Variants in PRICKLE1 observed in about 807,000 individuals in gnomAD.
PRICKLE1 encodes prickle-like protein 1.
Under a neutral mutation model 70.2 loss-of-function variants are expected in PRICKLE1, and 14 were observed. The ratio of observed to expected loss-of-function variants is 0.20; its 90% CI spans 0.13 to 0.31. PRICKLE1 has a LOEUF of 0.31. PRICKLE1 is among the 10% of genes least tolerant of loss of function. PRICKLE1 has a pLI of 1.00. For synonymous variants in PRICKLE1, 357 were observed against 379.9 expected (o/e 0.94, Z 0.70); for missense variants, 821 against 1,026.2 (o/e 0.80, Z 2.73).
chr12:42,463,761 G>A (rs1391013346), intron 7 of PRICKLE1: 2 of 153,966 alleles, frequency 1.3e-5, no homozygotes, highest in South Asian at 2.0e-4. Context: ...GCCAATTTTG[G>A]TATCTTAGAA....
chr12:42,513,251 C>T (rs1367121999), intron 1 of PRICKLE1, among the ~76,000 whole-genome samples: 11 of 152,060 alleles, frequency 7.2e-5, no homozygotes, highest in Admixed American at 2.6e-4. Flanking sequence ...GGTGAGCCAC[C>T]GCAGCCCAGG....
rs118175339 is a variant in PRICKLE1 at position 42,568,463 on chromosome 12, C to G, written c.-49+21002G>C. ...GTATTGGGAGTATGGGCGTGAGCCA[C>G]CATGCCCAGCCCGCATTATTTTAAA... On this transcript the variant is annotated intron_variant, in intron 1 of 7. Transcript: ENST00000345127. 4.2e-3 allele frequency among the ~76,000 whole-genome samples: 634 copies of G among 152,346 alleles called. 9 individuals are homozygous for G. The South Asian group carries it at 0.044, about 11-fold the overall frequency.
At chr12:42,497,380 C>G (rs977389260) in intron 1 of PRICKLE1, among the ~76,000 whole-genome samples, 1 of 151,816 alleles carries the variant, frequency 6.6e-6, no homozygotes, top group South Asian at 2.1e-4. Flanking sequence ...CCTGTCTCTA[C>G]TAAAAATACA....
intron 1 of PRICKLE1, among the ~76,000 whole-genome samples, chr12:42,487,824 T>G (rs1295426787): frequency 1.3e-5 from 2 of 152,128 alleles, no homozygotes; most frequent in African/African-American, 4.8e-5. Context: ...GGCGGGTGGA[T>G]CACTTGAGGT....
At chr12:42,468,482 T>C in intron 5 of PRICKLE1, 144 bp downstream of exon 5, 1 of 792,766 alleles carries the variant, frequency 1.3e-6, no homozygotes. Flanking sequence ...ATCATTTCAT[T>C]GTATGAATGT....
intron 1 of PRICKLE1, chr12:42,483,087 G>C (rs1398127099): frequency 6.6e-6 from 1 of 152,560 alleles, no homozygotes; most frequent in Non-Finnish European, 1.5e-5. Flanking sequence ...CCGACGCGAA[G>C]CCCCGAGAGA....
chr12:42,478,926 T>C (rs942715692), intron 1 of PRICKLE1, among the ~76,000 whole-genome samples: 5 of 151,964 alleles, frequency 3.3e-5, no homozygotes, highest in Non-Finnish European at 7.4e-5. Flanking sequence ...CAAGAGAACA[T>C]CTGACCCAAA....
intron 1 of PRICKLE1, among the ~76,000 whole-genome samples, chr12:42,480,490 C>A (rs1938754937): frequency 6.6e-6 from 1 of 152,184 alleles, no homozygotes; most frequent in Non-Finnish European, 1.5e-5. Flanking sequence ...GCACAGTAAC[C>A]ACTGGTGAAA....
At chr12:42,490,205 A>T (rs1167305769) in intron 1 of PRICKLE1, among the ~76,000 whole-genome samples, 4 of 152,248 alleles carry the variant, frequency 2.6e-5, no homozygotes, top group African/African-American at 9.6e-5. Context: ...GTAAGAAGTC[A>T]AGATTCAGGA....
In PRICKLE1 at chr12:42,469,713, C is replaced by A. The variant is rs79916594; in HGVS notation, c.247-126G>T. 1,178 of 1,223,110 alleles carry A rather than the reference C, an allele frequency of 9.6e-4. 6 individuals carry two copies. In the African/African-American group the frequency reaches 0.016, roughly 17 times the overall value. 75.8% of individuals were successfully genotyped at this position (1,223,110 alleles called of 1,614,324 possible). On this transcript the variant is annotated intron_variant, in intron 3 of 7. Transcript: ENST00000345127. ...TTAGCTCGCCTGTGTCACACCCCCACGATTTTAAAATGACACCATATCTGA... is the reference window on the plus strand; with the variant it reads ...TTAGCTCGCCTGTGTCACACCCCCAAGATTTTAAAATGACACCATATCTGA...
intron 1 of PRICKLE1, chr12:42,484,315 G>A (rs1384896086): frequency 6.6e-6 from 1 of 152,196 alleles, no homozygotes; most frequent in African/African-American, 2.4e-5. Flanking sequence ...AGTGAGTGAA[G>A]CCGCTAAGAT....
chr12:42,552,650 G>C (rs1940336389), intron 1 of PRICKLE1, among the ~76,000 whole-genome samples: 1 of 152,216 alleles, frequency 6.6e-6, no homozygotes, highest in South Asian at 2.1e-4. Flanking sequence ...ACTTGAGGGA[G>C]GAAGTTAAGA....
intron 1 of PRICKLE1, among the ~76,000 whole-genome samples, chr12:42,538,187 G>A (rs569024953): frequency 2.0e-5 from 3 of 152,150 alleles, no homozygotes; most frequent in African/African-American, 7.2e-5. Context: ...CTCTTTCATT[G>A]TCCAATATAG....
intron 1 of PRICKLE1, among the ~76,000 whole-genome samples, chr12:42,499,873 G>C (rs1027013419): frequency 2.6e-5 from 4 of 151,762 alleles, no homozygotes; most frequent in Non-Finnish European, 4.4e-5. Context: ...AATTACAAGG[G>C]CCTGCCACCA....
intron 1 of PRICKLE1, among the ~76,000 whole-genome samples, chr12:42,583,603 C>T (rs1049777079): frequency 1.3e-5 from 2 of 152,310 alleles, no homozygotes; most frequent in Admixed American, 1.3e-4. Context: ...TCTCAATCAT[C>T]CCTAGCAGCA....
intron 1 of PRICKLE1, among the ~76,000 whole-genome samples, chr12:42,533,012 G>A (rs912301102): frequency 6.6e-6 from 1 of 152,104 alleles, no homozygotes; most frequent in African/African-American, 2.4e-5. Flanking sequence ...AGTGGTTACA[G>A]TATTAAATAG....
chr12:42,468,937 T>C (rs1938212204), intron 4 of PRICKLE1, 108 bp from the exon 5 acceptor site: 14 of 1,126,578 alleles, frequency 1.2e-5, no homozygotes, highest in South Asian at 9.3e-5. Flanking sequence ...GTATTTATTT[T>C]TGCTACCTCT....
chr12:42,564,366 G>A (rs1940586023), intron 1 of PRICKLE1, among the ~76,000 whole-genome samples: 1 of 152,102 alleles, frequency 6.6e-6, no homozygotes, highest in Non-Finnish European at 1.5e-5. Flanking sequence ...CAGCACTTTG[G>A]GAGGCTGAGG....
At chr12:42,541,579 TCTC>T (rs1940116384) in intron 1 of PRICKLE1, among the ~76,000 whole-genome samples, 1 of 152,140 alleles carries the variant, frequency 6.6e-6, no homozygotes, top group Non-Finnish European at 1.5e-5. Context: ...CTCAAATGAT[TCTC>T]CTGCCTCAGC....
Sources: allele counts gnomAD v4.1 joint callset (sites outside exome capture counted in the v4.1 genomes callset), GRCh38; gene constraint gnomAD v4.1.1; transcripts MANE v1.5; gene names NCBI Gene and HGNC (gene_info 2026-07-23, HGNC 2026-07-21).